Variants in PALM2AKAP2 observed in about 807,000 individuals in gnomAD.
PALM2AKAP2 encodes PALM2-AKAP2 fusion protein.
Under a neutral mutation model 71.5 loss-of-function variants are expected in PALM2AKAP2, and 37 were observed. The ratio of observed to expected loss-of-function variants is 0.52; its 90% CI spans 0.40 to 0.68. The LOEUF (loss-of-function observed/expected upper bound fraction) is 0.68. Among genes scored for constraint, PALM2AKAP2 ranks in the 30% least tolerant of loss-of-function variants. The pLI, the probability that PALM2AKAP2 is intolerant of heterozygous loss-of-function variation, is 0.00. For missense variants in PALM2AKAP2, 1,224 were observed against 1,191.8 expected, an observed-to-expected ratio of 1.03 and a Z score of -0.40; for synonymous variants, 468 against 478.8, an observed-to-expected ratio of 0.98 and a Z score of 0.29.
At chr9:109,780,388 G>C, upstream of PALM2AKAP2, 1 of 1,606,346 alleles carries the variant, frequency 6.2e-7, no homozygotes, top group East Asian at 2.2e-5. Context: ...CGTTCTCCCG[G>C]GTTCTAGCAA....
At chr9:110,010,870 C>A (rs1410683103) in intron 6 of PALM2AKAP2, among the ~76,000 whole-genome samples, 1 of 147,682 alleles carries the variant, frequency 6.8e-6, no homozygotes, top group African/African-American at 2.5e-5. Flanking sequence ...GTGGTACATG[C>A]CTGTAATCTC....
chr9:109,924,951 T>C, intron 4 of PALM2AKAP2, 110 bp from the exon 5 acceptor site: 1 of 1,522,484 alleles, frequency 6.6e-7, no homozygotes, highest in Middle Eastern at 1.7e-4. Flanking sequence ...CACAGTCAAA[T>C]TCTGGGCTGG....
intron 1 of PALM2AKAP2, among the ~76,000 whole-genome samples, chr9:109,771,198 G>T (rs1283919208): frequency 1.3e-5 from 2 of 152,170 alleles, no homozygotes; most frequent in Non-Finnish European, 2.9e-5. Context: ...TGCAAGTCAT[G>T]CTATGTTTGG....
intron 1 of PALM2AKAP2, among the ~76,000 whole-genome samples, chr9:109,714,814 A>G (rs1466548801): frequency 2.0e-5 from 3 of 152,248 alleles, no homozygotes; most frequent in Admixed American, 1.3e-4. Context: ...CACAGACTTG[A>G]TGACTGGTGG....
At chr9:109,828,510 T>A (rs1172940718) in intron 1 of PALM2AKAP2, among the ~76,000 whole-genome samples, 2 of 152,208 alleles carry the variant, frequency 1.3e-5, no homozygotes, top group Non-Finnish European at 2.9e-5. Context: ...AAACAAGTGG[T>A]CTGTTCATGT....
At chr9:109,925,592 G>A (rs553757291) in intron 5 of PALM2AKAP2, among the ~76,000 whole-genome samples, 32 of 152,120 alleles carry the variant, frequency 2.1e-4, no homozygotes, top group Middle Eastern at 3.4e-3. Flanking sequence ...ATAGAAACAG[G>A]GCTGGGCAAA....
chr9:109,749,204 G>A (rs1458051107), intron 1 of PALM2AKAP2, among the ~76,000 whole-genome samples: 2 of 152,092 alleles, frequency 1.3e-5, no homozygotes, highest in South Asian at 4.1e-4. Context: ...CCTTCTAGAA[G>A]GAGTCCACTT....
chr9:109,827,104 CTAAT>C (rs1356151420), intron 1 of PALM2AKAP2, among the ~76,000 whole-genome samples: 5 of 152,164 alleles, frequency 3.3e-5, no homozygotes, highest in African/African-American at 4.8e-5. Context: ...TCTGAGGACT[CTAAT>C]TAGTTCTGCT....
intron 1 of PALM2AKAP2, among the ~76,000 whole-genome samples, chr9:110,092,658 T>A (rs1834740080): frequency 1.3e-5 from 2 of 152,184 alleles, no homozygotes; most frequent in Non-Finnish European, 2.9e-5. Context: ...TGGAATTTAT[T>A]GGCTAATATC....
intron 2 of PALM2AKAP2, among the ~76,000 whole-genome samples, chr9:110,140,723 C>T (rs963056763): frequency 5.9e-5 from 9 of 152,348 alleles, no homozygotes; most frequent in Admixed American, 2.0e-4. Context: ...CTCCTGTTTT[C>T]CTCACCAAAC....
chr9:109,812,762 G>A (rs10816882), intron 1 of PALM2AKAP2, among the ~76,000 whole-genome samples: 24,706 of 152,124 alleles, frequency 0.16, 2,640 homozygotes, highest in East Asian at 0.35. Context: ...GTGTCATAAG[G>A]TGGCATGAGA....
chr9:109,706,444 T>C (rs575613145), intron 1 of PALM2AKAP2, among the ~76,000 whole-genome samples: 2 of 152,318 alleles, frequency 1.3e-5, no homozygotes, highest in Admixed American at 6.5e-5. Flanking sequence ...CAAATACTCA[T>C]ACATTACTGG....
intron 6 of PALM2AKAP2, among the ~76,000 whole-genome samples, chr9:109,962,712 G>A (rs1259609237): frequency 2.0e-5 from 3 of 150,830 alleles, no homozygotes; most frequent in South Asian, 2.1e-4. Context: ...GCACGATCTC[G>A]GCTCACTGCA....
intron 1 of PALM2AKAP2, among the ~76,000 whole-genome samples, chr9:109,837,088 A>G (rs1053896337): frequency 6.6e-6 from 1 of 152,200 alleles, no homozygotes; most frequent in African/African-American, 2.4e-5. Flanking sequence ...CAGATTCACC[A>G]AAGTTGAAAT....
intron 5 of PALM2AKAP2, 43 bp downstream of exon 5, chr9:109,925,125 T>G: frequency 6.2e-7 from 1 of 1,613,604 alleles, no homozygotes; most frequent in East Asian, 2.2e-5. Flanking sequence ...GTTTTAATCC[T>G]GGTCAGCTTA....
chr9:109,948,498 T>C (rs1215813828), intron 6 of PALM2AKAP2, among the ~76,000 whole-genome samples: 2 of 152,220 alleles, frequency 1.3e-5, no homozygotes, highest in Non-Finnish European at 2.9e-5. Flanking sequence ...TTTATAAAAA[T>C]AATTTTTCAA....
At chr9:109,942,870 A>G (rs1737287153) in intron 6 of PALM2AKAP2, 1 of 1,614,086 alleles carries the variant, frequency 6.2e-7, no homozygotes, top group African/African-American at 1.3e-5. Context: ...GAGTGCACAA[A>G]TTAAGCACAA....
chr9:110,055,006 G>A (rs942155512), intron 1 of PALM2AKAP2, among the ~76,000 whole-genome samples: 15 of 151,900 alleles, frequency 9.9e-5, no homozygotes, highest in African/African-American at 2.7e-4. Flanking sequence ...ACTGCCCCCC[G>A]CCCCTACCCG....
chr9:110,093,902 C>T (rs997860401), intron 1 of PALM2AKAP2, among the ~76,000 whole-genome samples: 3 of 152,216 alleles, frequency 2.0e-5, no homozygotes, highest in Non-Finnish European at 4.4e-5. Flanking sequence ...TCTATACTCT[C>T]GTGATACCTT....
Sources: allele counts gnomAD v4.1 joint callset (sites outside exome capture counted in the v4.1 genomes callset), GRCh38; gene constraint gnomAD v4.1.1; transcripts MANE v1.5; gene names NCBI Gene and HGNC (gene_info 2026-07-23, HGNC 2026-07-21).